The following SMAD1 variants were observed in gnomAD, a reference collection of about 807,000 sequenced individuals.
SMAD1 encodes the protein SMAD family member 1.
SMAD1 carries 6 observed loss-of-function variants against 41.6 expected under a neutral mutation model. That is an observed-to-expected ratio of 0.14 (90% CI 0.08 to 0.28). The LOEUF is 0.28. Among genes scored for constraint, SMAD1 ranks in the 10% least tolerant of loss-of-function variants. SMAD1 has a pLI of 1.00. For missense variants in SMAD1, 379 were observed against 582.6 expected (o/e 0.65, Z 3.60); for synonymous variants, 206 against 203.2 (o/e 1.01, Z -0.12).
At chr4:145,528,002 T>G (rs961379283) in intron 2 of SMAD1, among the ~76,000 whole-genome samples, 13 of 151,322 alleles carry the variant, frequency 8.6e-5, no homozygotes, top group Non-Finnish European at 1.2e-4. Flanking sequence ...TGCCTCAGCC[T>G]CCCGAGTGTC....
chr4:145,488,476 TTGTGTGTGTGTG>T (rs60369536), intron 1 of SMAD1, among the ~76,000 whole-genome samples: 18,324 of 148,698 alleles, frequency 0.12, 3,426 homozygotes, highest in African/African-American at 0.41. Context: ...CCCTGTCTTT[TTGTGTGTGTGTG>T]TGTGTGTGTG....
chr4:145,485,991 A>G (rs1330356778), intron 1 of SMAD1, among the ~76,000 whole-genome samples: 1 of 152,194 alleles, frequency 6.6e-6, no homozygotes, highest in Non-Finnish European at 1.5e-5. Flanking sequence ...GATATGATCG[A>G]GGCAGTCCAA....
Position 145,555,836 on chromosome 4 carries a change from A to G in SMAD1, c.1254+1796A>G, listed in dbSNP as rs370145254. On this transcript the variant is annotated intron_variant, in intron 6 of 6. Coordinates refer to ENST00000302085, the MANE Select transcript of SMAD1 (RefSeq NM_005900.3). ...CATCAAGATCCTTATGCCCTAGTAT[A>G]TCTTTAATTATAATCTGATAAGCAC... 4.3e-4 allele frequency among the ~76,000 whole-genome samples: 66 copies of G among 152,308 alleles called. 1 individual carries two copies. In the South Asian group the frequency reaches 0.011, roughly 26 times the overall value.
chr4:145,495,084 C>T (rs867394522), intron 1 of SMAD1, among the ~76,000 whole-genome samples: 2 of 152,136 alleles, frequency 1.3e-5, no homozygotes, highest in Non-Finnish European at 2.9e-5. Context: ...TGTGGCTTAT[C>T]TGGCTATGTC....
At chr4:145,523,905 GGTTT>G (rs1364933683) in intron 2 of SMAD1, among the ~76,000 whole-genome samples, 2 of 151,908 alleles carry the variant, frequency 1.3e-5, no homozygotes, top group African/African-American at 4.8e-5. Context: ...TTTTTGTTTT[GGTTT>G]GTTTTTTTGA....
chr4:145,542,884 C>T (rs1030576515), intron 4 of SMAD1, among the ~76,000 whole-genome samples, 186 bp downstream of exon 4: 1 of 152,188 alleles, frequency 6.6e-6, no homozygotes, highest in Admixed American at 6.5e-5. Flanking sequence ...AACAAATACA[C>T]TGACTTAACT....
At chr4:145,484,678 G>T (rs543786977) in intron 1 of SMAD1, 2 of 152,280 alleles carry the variant, frequency 1.3e-5, no homozygotes, top group Admixed American at 6.5e-5. Context: ...TGTATAAGTA[G>T]CTTTTCATTT....
At chr4:145,502,025 C>T (rs1019684844) in intron 1 of SMAD1, among the ~76,000 whole-genome samples, 7 of 152,188 alleles carry the variant, frequency 4.6e-5, no homozygotes, top group African/African-American at 1.7e-4. Context: ...CCACATTTAG[C>T]ATTCTTTGTA....
Position 145,519,943 on chromosome 4 carries a change from G to T in SMAD1, c.400+4930G>T, listed in dbSNP as rs566338456. Among the ~76,000 whole-genome samples, 653 of 152,248 alleles carry T rather than the reference G, an allele frequency of 4.3e-3. 5 individuals are homozygous for T. The highest frequency in any genetic ancestry group is 0.015 in the African/African-American group (626 of 41,532). On this transcript the variant is annotated intron_variant, in intron 2 of 6. Transcript: ENST00000302085. ...CTTATTTCACTTAACAATAATGTCC[G>T]CCAGGTGTCACAAGTGACAATTTCC... is the stretch of plus-strand genomic sequence containing the variant.
At chr4:145,506,385 C>T (rs1209283347) in intron 1 of SMAD1, among the ~76,000 whole-genome samples, 4 of 152,118 alleles carry the variant, frequency 2.6e-5, no homozygotes, top group Non-Finnish European at 5.9e-5. Flanking sequence ...CTGTTATTTG[C>T]CTTTCTTAAA....
At chr4:145,495,759 G>T (rs966553351) in intron 1 of SMAD1, among the ~76,000 whole-genome samples, 1 of 148,656 alleles carries the variant, frequency 6.7e-6, no homozygotes, top group African/African-American at 2.5e-5. Flanking sequence ...GGGACTACAG[G>T]CATGCACCAC....
chr4:145,535,878 G>A (rs957120158), intron 2 of SMAD1, among the ~76,000 whole-genome samples: 3 of 150,404 alleles, frequency 2.0e-5, no homozygotes, highest in African/African-American at 7.3e-5. Context: ...GTGAAAGGGA[G>A]AAATTGAATA....
At chr4:145,498,606 ACTACTTGTT>A (rs1729233581) in intron 1 of SMAD1, among the ~76,000 whole-genome samples, 1 of 152,216 alleles carries the variant, frequency 6.6e-6, no homozygotes, top group African/African-American at 2.4e-5. Flanking sequence ...CCTAAAGGTA[ACTACTTGTT>A]CAGTTTCATT....
chr4:145,546,027 A>T (rs1369777575), intron 4 of SMAD1: 2 of 152,462 alleles, frequency 1.3e-5, no homozygotes, highest in African/African-American at 2.4e-5. Context: ...CATGACTTAA[A>T]GCAAATATAA....
intron 1 of SMAD1, among the ~76,000 whole-genome samples, chr4:145,504,581 G>A (rs1560732227): frequency 6.6e-6 from 1 of 152,038 alleles, no homozygotes; most frequent in African/African-American, 2.4e-5. Context: ...ATTTTTAGGG[G>A]TACTGTTTTT....
chr4:145,550,868 GAGAA>G (rs1732517422), intron 5 of SMAD1, among the ~76,000 whole-genome samples: 1 of 152,136 alleles, frequency 6.6e-6, no homozygotes, highest in African/African-American at 2.4e-5. Context: ...ATTTTACTGA[GAGAA>G]AGAAAATTTG....
chr4:145,501,485 G>A (rs966771532), intron 1 of SMAD1, among the ~76,000 whole-genome samples: 1 of 152,154 alleles, frequency 6.6e-6, no homozygotes, highest in Admixed American at 6.5e-5. Context: ...TGAGCTGAAG[G>A]ATCTAAATAT....
At chr4:145,507,655 T>G (rs533482131) in intron 1 of SMAD1, among the ~76,000 whole-genome samples, 10 of 151,784 alleles carry the variant, frequency 6.6e-5, no homozygotes, top group African/African-American at 9.6e-5. Flanking sequence ...CTGCTGGGTT[T>G]TTTTTTTTTT....
At chr4:145,538,975 C>CG (rs1466907012) in intron 2 of SMAD1, among the ~76,000 whole-genome samples, 3 of 152,204 alleles carry the variant, frequency 2.0e-5, no homozygotes, top group Non-Finnish European at 4.4e-5. Context: ...CAATTATTAA[C>CG]TCCTTAGCTT....
Sources: allele counts gnomAD v4.1 joint callset (sites outside exome capture counted in the v4.1 genomes callset), GRCh38; gene constraint gnomAD v4.1.1; transcripts MANE v1.5; gene names NCBI Gene and HGNC (gene_info 2026-07-23, HGNC 2026-07-21).